Variants in LARP1B observed in about 807,000 individuals in gnomAD.
LARP1B encodes La ribonucleoprotein 1B.
In LARP1B, 76 loss-of-function variants were observed where a neutral mutation model predicts 114.2. The ratio of observed to expected loss-of-function variants is 0.67; its 90% CI spans 0.55 to 0.81. The LOEUF is 0.81. LARP1B is among the 30% of genes least tolerant of loss of function. The probability of loss-of-function intolerance (pLI) is 0.00; values close to 1 mark genes in which losing one functional copy is unlikely to be tolerated. For missense variants in LARP1B, 1,014 were observed against 1,075.8 expected (o/e 0.94, Z 0.80); for synonymous variants, 345 against 348.0 (o/e 0.99, Z 0.10).
At chr4:128,115,537 C>T (rs2149915024) in intron 10 of LARP1B, among the ~76,000 whole-genome samples, 1 of 152,314 alleles carries the variant, frequency 6.6e-6, no homozygotes, top group East Asian at 1.9e-4. Context: ...CACCACTGCA[C>T]TCCAGGGAGG....
At chr4:128,062,592 CTTTTT>C (rs10659836) in intron 1 of LARP1B, among the ~76,000 whole-genome samples, 8 of 128,250 alleles carry the variant, frequency 6.2e-5, no homozygotes, top group East Asian at 2.6e-4. Flanking sequence ...TTTTGGTAGA[CTTTTT>C]TTTTTTTTTT....
At chr4:128,201,715 T>C (rs772250165) in intron 17 of LARP1B, among the ~76,000 whole-genome samples, 8 of 152,276 alleles carry the variant, frequency 5.3e-5, no homozygotes, top group Admixed American at 1.3e-4. Context: ...TCATGGAAAG[T>C]CTTGAGAGTG....
chr4:128,080,152 T>A (rs911077208), intron 4 of LARP1B, among the ~76,000 whole-genome samples: 2 of 144,892 alleles, frequency 1.4e-5, no homozygotes, highest in Non-Finnish European at 3.1e-5. Flanking sequence ...TAATTTTGTA[T>A]TTTTTTTTTT....
At position 128,162,247 on chromosome 4, in the gene LARP1B, A is replaced by T. The variant is rs1209891528; in HGVS notation, c.1578A>T (p.Glu526Asp). The change falls in exon 12 of 20, where the codon GAA becomes GAT. Residue 526 changes from glutamate to aspartate, a missense_variant. Transcript: ENST00000326639. ...ATCTCATTAGTAAAGAGCAGTTTGA[A>T]AACCTAACACCTGAACTTCCTTTTG... The part of the protein sequence containing the change: ...KLNLISKEQF[E>D]NLTPELPFEP... 3.1e-6 allele frequency: 5 copies of T among 1,613,064 alleles called. No homozygotes were observed. Among genetic ancestry groups the T allele is most frequent in the Non-Finnish European group, 4.2e-6 (5 of 1,179,232 alleles).
At chr4:128,188,034 C>T (rs1356220025) in intron 15 of LARP1B, among the ~76,000 whole-genome samples, 1 of 151,998 alleles carries the variant, frequency 6.6e-6, no homozygotes, top group African/African-American at 2.4e-5. Context: ...GAACCATGAG[C>T]CAATTAAACC....
chr4:128,115,731 C>T (rs1268023916), intron 10 of LARP1B, among the ~76,000 whole-genome samples: 1 of 152,208 alleles, frequency 6.6e-6, no homozygotes, highest in Non-Finnish European at 1.5e-5. Context: ...TGTTGGCTCA[C>T]TGCAGCCTTT....
At chr4:128,153,235 G>A (rs1192861986) in intron 11 of LARP1B, among the ~76,000 whole-genome samples, 1 of 151,272 alleles carries the variant, frequency 6.6e-6, no homozygotes, top group Non-Finnish European at 1.5e-5. Flanking sequence ...CGCCTGCCTC[G>A]ACCTCCCAAA....
intron 9 of LARP1B, among the ~76,000 whole-genome samples, chr4:128,110,759 A>T (rs1429765462): frequency 6.7e-6 from 1 of 150,064 alleles, no homozygotes; most frequent in Non-Finnish European, 1.5e-5. Context: ...TACGAGTCTT[A>T]TTCTAAGAAT....
At chr4:128,073,849 C>G (rs772922577) in intron 1 of LARP1B, among the ~76,000 whole-genome samples, 9 of 151,788 alleles carry the variant, frequency 5.9e-5, no homozygotes, top group Non-Finnish European at 1.3e-4. Flanking sequence ...CTTGGCCTCC[C>G]GAAGTGCTGG....
chr4:128,150,122 G>T (rs1437387648), intron 11 of LARP1B, among the ~76,000 whole-genome samples: 1 of 152,104 alleles, frequency 6.6e-6, no homozygotes, highest in East Asian at 1.9e-4. Flanking sequence ...CTGCACTCCA[G>T]CCTGGGCGAC....
chr4:128,126,976 G>A (rs1006888566), intron 11 of LARP1B, among the ~76,000 whole-genome samples: 7 of 152,002 alleles, frequency 4.6e-5, no homozygotes, highest in Non-Finnish European at 8.8e-5. Flanking sequence ...GAGGAGAGGT[G>A]TCAGAGTTTA....
chr4:128,128,302 C>G (rs1348967859), intron 11 of LARP1B, among the ~76,000 whole-genome samples: 1 of 152,116 alleles, frequency 6.6e-6, no homozygotes, highest in Non-Finnish European at 1.5e-5. Context: ...AATTTTGAAT[C>G]TCAAAGGACA....
chr4:128,127,599 C>T (rs941020553), intron 11 of LARP1B, among the ~76,000 whole-genome samples: 6 of 152,126 alleles, frequency 3.9e-5, no homozygotes, highest in East Asian at 1.9e-4. Context: ...TTCGGGAGGC[C>T]GAGGTGGGTG....
chr4:128,192,338 C>A (rs1161965341), intron 15 of LARP1B, among the ~76,000 whole-genome samples: 1 of 152,012 alleles, frequency 6.6e-6, no homozygotes, highest in Non-Finnish European at 1.5e-5. Flanking sequence ...TGAGATATGC[C>A]CATATAATTC....
chr4:128,120,565 G>A (rs1787574170), intron 10 of LARP1B, among the ~76,000 whole-genome samples: 1 of 151,394 alleles, frequency 6.6e-6, no homozygotes, highest in Non-Finnish European at 1.5e-5. Flanking sequence ...CGCCTCCAGG[G>A]TTCAAGCGAT....
chr4:128,085,871 T>C (rs1359785212), intron 5 of LARP1B, among the ~76,000 whole-genome samples: 1 of 152,196 alleles, frequency 6.6e-6, no homozygotes, highest in African/African-American at 2.4e-5. Flanking sequence ...TAGCTGTATA[T>C]TTAACATTAT....
chr4:128,111,153 TCTC>T (rs1233790314), intron 9 of LARP1B, among the ~76,000 whole-genome samples: 2 of 151,756 alleles, frequency 1.3e-5, no homozygotes, highest in Admixed American at 6.6e-5. Flanking sequence ...TTCAAGCAAT[TCTC>T]CTGCCTCAGC....
intron 8 of LARP1B, among the ~76,000 whole-genome samples, chr4:128,100,840 C>G (rs1780079211): frequency 7.0e-6 from 1 of 142,774 alleles, no homozygotes. Flanking sequence ...GTTTTTGAGA[C>G]AGAGTCTTGC....
intron 17 of LARP1B, among the ~76,000 whole-genome samples, chr4:128,205,758 C>T (rs1360434520): frequency 6.6e-6 from 1 of 151,982 alleles, no homozygotes; most frequent in Non-Finnish European, 1.5e-5. Context: ...ACAAAGATAC[C>T]ATTATAAATT....
Sources: gnomAD v4.1 joint callset for allele counts (sites outside exome capture counted in the v4.1 genomes callset) on GRCh38, gnomAD v4.1.1 for gene constraint, MANE v1.5 for transcripts, NCBI Gene and HGNC (gene_info 2026-07-23, HGNC 2026-07-21) for gene names.